Variants in CHRM3 observed in about 807,000 individuals in gnomAD.
CHRM3 encodes cholinergic receptor muscarinic 3.
A neutral mutation model predicts 41.8 loss-of-function variants in CHRM3; 11 were observed. That is an observed-to-expected ratio of 0.26 (90% CI 0.17 to 0.44). CHRM3 has a LOEUF of 0.44. Ranked by LOEUF, CHRM3 falls within the 20% of genes least tolerant of loss-of-function variation. The pLI is 1.00. For missense variants in CHRM3, 571 were observed against 745.4 expected, an observed-to-expected ratio of 0.77 and a Z score of 2.72; for synonymous variants, 297 against 301.4, an observed-to-expected ratio of 0.99 and a Z score of 0.15.
chr1:239,896,556 T>C (rs1679022268), intron 6 of CHRM3, among the ~76,000 whole-genome samples: 1 of 152,158 alleles, frequency 6.6e-6, no homozygotes. Flanking sequence ...TGAAGAGATG[T>C]GGAGTTTGCC....
At chr1:239,589,818 A>C (rs1035143913) in intron 3 of CHRM3, among the ~76,000 whole-genome samples, 3 of 151,256 alleles carry the variant, frequency 2.0e-5, no homozygotes, top group Non-Finnish European at 4.4e-5. Context: ...TTTTATGTAT[A>C]TAGTTATATA....
rs1307023039 is a variant in CHRM3 at position 239,602,110 on chromosome 1, G to GTGTGTGTA, written c.-312-30113_-312-30112insGTGTGTAT. Among the ~76,000 whole-genome samples the GTGTGTGTA allele has an allele frequency of 2.5e-3, 279 of 112,810 alleles. 2 individuals carry two copies. The highest frequency in any genetic ancestry group is 8.0e-3 in the African/African-American group (233 of 29,204). The allele number at this position is 112,810 out of a possible 152,430, so 74.0% of individuals were successfully genotyped here. A position where few individuals can be genotyped will look rare whatever the true frequency, so the allele number is the denominator to read the frequency against. On this transcript the variant is annotated intron_variant, in intron 3 of 6. Transcript: ENST00000676153. ...TATACATGTGTGTGTGTGTGTGTGTGTATATATATATATATATATATATAT... is the reference window on the plus strand; with the variant it reads ...TATACATGTGTGTGTGTGTGTGTGTGTGTGTGTATATATATATATATATATATATATAT...
chr1:239,755,805 C>A (rs1666195134), intron 5 of CHRM3, among the ~76,000 whole-genome samples: 1 of 152,132 alleles, frequency 6.6e-6, no homozygotes, highest in Admixed American at 6.5e-5. Flanking sequence ...TACAAGCTTC[C>A]TCTCAAATTT....
chr1:239,586,009 T>A (rs1479517532), intron 3 of CHRM3, among the ~76,000 whole-genome samples: 2 of 152,320 alleles, frequency 1.3e-5, no homozygotes, highest in East Asian at 3.9e-4. Flanking sequence ...TAAATCATAA[T>A]GCAGATCTTG....
intron 5 of CHRM3, among the ~76,000 whole-genome samples, chr1:239,682,951 T>C (rs1223516176): frequency 1.3e-5 from 2 of 152,144 alleles, no homozygotes; most frequent in Non-Finnish European, 2.9e-5. Flanking sequence ...ATTAGGCTAT[T>C]TAGCATATCA....
chr1:239,711,939 C>T (rs1476688467), intron 5 of CHRM3, among the ~76,000 whole-genome samples: 1 of 152,152 alleles, frequency 6.6e-6, no homozygotes, highest in Non-Finnish European at 1.5e-5. Flanking sequence ...AGCCCCATTC[C>T]CCTTTAGCTA....
chr1:239,861,692 C>T (rs1675656625), intron 6 of CHRM3, among the ~76,000 whole-genome samples: 1 of 152,066 alleles, frequency 6.6e-6, no homozygotes, highest in Non-Finnish European at 1.5e-5. Flanking sequence ...GAGTACTTCA[C>T]TGAGTTTCCA....
intron 1 of CHRM3, among the ~76,000 whole-genome samples, chr1:239,459,471 A>G (rs1161499266): frequency 6.6e-6 from 1 of 152,118 alleles, no homozygotes; most frequent in Non-Finnish European, 1.5e-5. Context: ...TGCTTTCCAT[A>G]TTAATATCAT....
At chr1:239,552,914 CTAACTTTCTTTT>C (rs1660006750) in intron 3 of CHRM3, among the ~76,000 whole-genome samples, 1 of 151,996 alleles carries the variant, frequency 6.6e-6, no homozygotes, top group South Asian at 2.1e-4. Context: ...TTACTATTTT[CTAACTTTCTTTT>C]TAACGAAAAG....
chr1:239,914,800 G>C lies in CHRM3; in HGVS notation c.*5576G>C, dbSNP rs1040705625. 1.2e-5 allele frequency: 2 copies of C among 166,896 alleles called. No individual in the cohort carries two copies. Among genetic ancestry groups the C allele is most frequent in the African/African-American group, 4.8e-5 (2 of 41,442 alleles). 10.3% of individuals were successfully genotyped at this position (166,896 alleles called of 1,614,324 possible). On this transcript the variant is annotated 3_prime_UTR_variant, in exon 7 of 7. Coordinates refer to ENST00000676153, the MANE Select transcript of CHRM3 (RefSeq NM_001375978.1). ...ATCCTTGCATGTAGTTTTGCTTGGC[G>C]TGGAAAGTTATTAGGAGACAATCCT... is the stretch of plus-strand genomic sequence containing the variant.
chr1:239,788,665 C>T (rs949721952), intron 5 of CHRM3, among the ~76,000 whole-genome samples: 1 of 152,020 alleles, frequency 6.6e-6, no homozygotes, highest in South Asian at 2.1e-4. Flanking sequence ...ACTCGGGAGG[C>T]TGAGGTAGGA....
In CHRM3 at chr1:239,629,991, C is replaced by T. The variant is rs1005834511; in HGVS notation, c.-312-2233C>T. On this transcript the variant is annotated intron_variant, in intron 3 of 6. Coordinates refer to ENST00000676153, the MANE Select transcript of CHRM3 (RefSeq NM_001375978.1). Reference sequence around the variant, plus strand: ...GAACCTCATCTCTAAATGAATGTTACATGCAATTAATTTTCAATAGAATGA... The same window carrying T: ...GAACCTCATCTCTAAATGAATGTTATATGCAATTAATTTTCAATAGAATGA... Among the ~76,000 whole-genome samples, 20 of 152,296 alleles carry T rather than the reference C, an allele frequency of 1.3e-4. 1 individual carries two copies. Among genetic ancestry groups the T allele is most frequent in the African/African-American group, 4.8e-4 (20 of 41,560 alleles).
At chr1:239,705,244 G>A (rs1445342139) in intron 5 of CHRM3, 1 of 152,118 alleles carries the variant, frequency 6.6e-6, no homozygotes, top group Non-Finnish European at 1.5e-5. Context: ...ATGGAGCATA[G>A]TTGGGGAAAA....
intron 6 of CHRM3, among the ~76,000 whole-genome samples, chr1:239,848,649 T>C (rs1476288439): frequency 9.9e-5 from 15 of 152,168 alleles, no homozygotes; most frequent in Admixed American, 9.8e-4. Context: ...ATGCTTTTCT[T>C]AGTTTCTGCA....
chr1:239,408,430 A>G (rs910664094), intron 1 of CHRM3, among the ~76,000 whole-genome samples: 49 of 149,790 alleles, frequency 3.3e-4, no homozygotes, highest in African/African-American at 1.1e-3. Context: ...AGGCTGAGGC[A>G]GGAGAATAGC....
At chr1:239,532,622 C>CAAA (rs56408389) in intron 2 of CHRM3, among the ~76,000 whole-genome samples, 1 of 114,842 alleles carries the variant, frequency 8.7e-6, no homozygotes, top group South Asian at 2.8e-4. Context: ...GACTGCCTCT[C>CAAA]AAAAAAAAAA....
At chr1:239,799,200 A>G (rs569474) in intron 5 of CHRM3, among the ~76,000 whole-genome samples, 1 of 151,968 alleles carries the variant, frequency 6.6e-6, no homozygotes, top group Non-Finnish European at 1.5e-5. Context: ...CAGAAGGCCA[A>G]TGGACCGGGA....
intron 2 of CHRM3, among the ~76,000 whole-genome samples, chr1:239,530,982 G>A (rs555494938): frequency 1.5e-3 from 235 of 152,154 alleles, no homozygotes; most frequent in African/African-American, 5.3e-3. Flanking sequence ...GAAGCTCAAC[G>A]AACTGCAAGT....
intron 2 of CHRM3, among the ~76,000 whole-genome samples, chr1:239,532,030 T>TTTTTTTTTG (rs1657635096): frequency 1.8e-5 from 2 of 108,446 alleles, no homozygotes; most frequent in Non-Finnish European, 4.0e-5. Flanking sequence ...TTTTTTTTTT[T>TTTTTTTTTG]GAGACGGAGT....
Sources: gnomAD v4.1 joint callset for allele counts (sites outside exome capture counted in the v4.1 genomes callset) on GRCh38, gnomAD v4.1.1 for gene constraint, MANE v1.5 for transcripts, NCBI Gene and HGNC (gene_info 2026-07-23, HGNC 2026-07-21) for gene names.